PIEZO1: variants seen among roughly 807,000 people sequenced by gnomAD.
The protein encoded by PIEZO1 is piezo-type mechanosensitive ion channel component 1.
In PIEZO1, 296 loss-of-function variants were observed where a neutral mutation model predicts 297.2. That is an observed-to-expected ratio of 1.00 (90% CI 0.91 to 1.10). The LOEUF is 1.10. PIEZO1 is among the 50% of genes least tolerant of loss of function. The pLI is 0.00. For synonymous variants in PIEZO1, 2,427 were observed against 1,507.5 expected, an observed-to-expected ratio of 1.61 and a Z score of -14.13; for missense variants, 5,018 against 3,455.5, an observed-to-expected ratio of 1.45 and a Z score of -11.34.
At chr16:88,768,369 G>C (rs1167737540) in intron 1 of PIEZO1, among the ~76,000 whole-genome samples, 1 of 152,352 alleles carries the variant, frequency 6.6e-6, no homozygotes, top group East Asian at 1.9e-4. Flanking sequence ...CCACTTAAGA[G>C]CAGAGAGTGG....
Position 88,741,469 on chromosome 16 carries a change from T to TA in PIEZO1, c.465+8_465+9insT. 1 of 1,532,236 alleles carries TA rather than the reference T, an allele frequency of 6.5e-7. No homozygotes were observed. The highest frequency in any genetic ancestry group is 8.7e-7 in the Non-Finnish European group (1 of 1,144,604). 94.9% of individuals were successfully genotyped at this position (1,532,236 alleles called of 1,614,324 possible). Reference sequence around the variant, plus strand: ...CTCCCTGACACACGGGTGACGCAGCTGCCCTCACCAGCTCCCGTGGATGTG... The same window carrying TA: ...CTCCCTGACACACGGGTGACGCAGCTAGCCCTCACCAGCTCCCGTGGATGTG... On this transcript the variant is annotated intron_variant, in intron 5 of 50. Coordinates refer to ENST00000301015, the MANE Select transcript of PIEZO1 (RefSeq NM_001142864.4).
At chr16:88,775,742 A>G (rs1567488643) in intron 1 of PIEZO1, among the ~76,000 whole-genome samples, 2 of 150,696 alleles carry the variant, frequency 1.3e-5, no homozygotes, top group Non-Finnish European at 3.0e-5. Flanking sequence ...AAAAAAAAAA[A>G]AAGAAAAGAA....
chr16:88,716,615 C>T lies in PIEZO1; in HGVS notation c.6870G>A (p.Arg2290=). 1.9e-6 allele frequency: 3 copies of T among 1,550,002 alleles called. No individual in the cohort carries two copies. Among genetic ancestry groups the T allele is most frequent in the Non-Finnish European group, 2.6e-6 (3 of 1,146,878 alleles). ...TGTCGGCCGTGCCGTTGTAGAGCTCCCGCTTCATCTGGGCACGGCTGGGGG... is the reference window on the plus strand; with the variant it reads ...TGTCGGCCGTGCCGTTGTAGAGCTCTCGCTTCATCTGGGCACGGCTGGGGG... ...ISPPSRAQMK[R]ELYNGTADIT... The change falls in exon 47 of 51, where the codon CGG becomes CGA. Residue 2290 remains arginine, a synonymous_variant. Coordinates refer to ENST00000301015, the MANE Select transcript of PIEZO1 (RefSeq NM_001142864.4).
intron 2 of PIEZO1, among the ~76,000 whole-genome samples, chr16:88,745,925 G>A (rs114475827): frequency 0.031 from 4,758 of 152,212 alleles, 212 homozygotes; most frequent in African/African-American, 0.1. Flanking sequence ...AGGCTGAGGG[G>A]CCCCACCACG....
intron 10 of PIEZO1, chr16:88,737,005 C>A: frequency 2.7e-6 from 1 of 373,070 alleles, no homozygotes; most frequent in Non-Finnish European, 4.9e-6. Context: ...TCCAGCTCTG[C>A]GCACCTGAAG....
At chr16:88,780,174 G>A (rs993262235) in intron 1 of PIEZO1, among the ~76,000 whole-genome samples, 4 of 152,162 alleles carry the variant, frequency 2.6e-5, no homozygotes, top group Non-Finnish European at 5.9e-5. Flanking sequence ...CAGGTGCCTC[G>A]GCCAGCAGGT....
chr16:88,721,999 G>A lies in PIEZO1; in HGVS notation c.5023C>T (p.Leu1675=), dbSNP rs747232318. The A allele has an allele frequency of 3.2e-6, 5 of 1,549,344 alleles. No homozygotes were observed. Among genetic ancestry groups the A allele is most frequent in the Middle Eastern group, 1.8e-4 (1 of 5,656 alleles). ...FAEGQGRALR[L]LRAVYQCVAA... is the part of the protein sequence containing the mutation. ...ACACACTGGTACACGGCCCGCAGCA[G>A]CCGCAGCGCCCGGCCCTGCCCCTCC... Residue 1675 remains leucine, a synonymous_variant, in exon 37 of 51, where the codon CTG becomes TTG. Coordinates refer to ENST00000301015, the MANE Select transcript of PIEZO1 (RefSeq NM_001142864.4).
chr16:88,773,948 C>T (rs117212835), intron 1 of PIEZO1, among the ~76,000 whole-genome samples: 1,713 of 152,296 alleles, frequency 0.011, 19 homozygotes, highest in South Asian at 0.033. Context: ...CCTGCAGGTC[C>T]CCCGAGTCCC....
chr16:88,715,619 G>A lies in PIEZO1; in HGVS notation c.7552C>T (p.Arg2518Cys), dbSNP rs547008930. Residue 2518 changes from arginine (R) to cysteine (C), a missense_variant, in exon 51 of 51, where the codon CGT becomes TGT. Arg to Cys is a radical substitution (Grantham distance 180). Transcript: ENST00000301015. Reference sequence around the variant, plus strand: ...AGCAGCAGCTCCTACTCCTTCTCACGAGTCCACTTGATCATGGTCTCCGGT... The same window carrying A: ...AGCAGCAGCTCCTACTCCTTCTCACAAGTCCACTTGATCATGGTCTCCGGT... ...RSPETMIKWTREKE is the reference protein window; with the variant it reads ...RSPETMIKWTCEKE The A allele has an allele frequency of 1.5e-5, 24 of 1,549,926 alleles. No individual in the cohort carries two copies. Among genetic ancestry groups the A allele is most frequent in the East Asian group, 4.9e-5 (2 of 40,910 alleles).
chr16:88,728,031 G>C (rs535674848), intron 22 of PIEZO1, among the ~76,000 whole-genome samples: 1 of 152,388 alleles, frequency 6.6e-6, no homozygotes, highest in South Asian at 2.1e-4. Flanking sequence ...GCCAGGAAAA[G>C]TTCAACCTGC....
At position 88,785,060 on chromosome 16, in the gene PIEZO1, G is replaced by T. The variant is rs1567493532; in HGVS notation, c.-96C>A. 4 of 670,168 alleles carry T rather than the reference G, an allele frequency of 6.0e-6. No individual in the cohort carries two copies. Among genetic ancestry groups the T allele is most frequent in the Non-Finnish European group, 8.1e-6 (4 of 495,136 alleles). The allele number at this position is 670,168 out of a possible 1,614,324, so 41.5% of individuals were successfully genotyped here. A position where few individuals can be genotyped will look rare whatever the true frequency, so the allele number is the denominator to read the frequency against. On this transcript the variant is annotated 5_prime_UTR_variant, in exon 1 of 51. Transcript: ENST00000301015. ...GGGGCCGGCGCGCCATGGCTGACCC[G>T]CGGGGACCCGCGCGCCGCCTTCTCC...
chr16:88,731,672 A>C (rs1288764471), intron 22 of PIEZO1, 34 bp downstream of exon 22: 96 of 1,525,454 alleles, frequency 6.3e-5, no homozygotes, highest in Non-Finnish European at 8.5e-5. Context: ...CAAAGCCACA[A>C]AGCCCACTCC....
At position 88,715,579 on chromosome 16, in the gene PIEZO1, T is replaced by C; in HGVS notation, c.*26A>G. On this transcript the variant is annotated 3_prime_UTR_variant, in exon 51 of 51. Transcript: ENST00000301015. ...CACGCTGCCCAGCAGGCCGGCTCCT[T>C]CCCTCTCGGGCGCCAGCAGCAGCTC... 6.5e-7 allele frequency: 1 copy of C among 1,543,998 alleles called. No homozygotes were observed.
rs1269337246 is a variant in PIEZO1 at position 88,722,056 on chromosome 16, T to A, written c.4966A>T (p.Ile1656Phe). 5 of 1,546,072 alleles carry A rather than the reference T, an allele frequency of 3.2e-6. No individual in the cohort carries two copies. Among genetic ancestry groups the A allele is most frequent in the Non-Finnish European group, 4.4e-6 (5 of 1,145,592 alleles). ...AGCTCTGCCTCCTCCAGCTCTGGGA[T>A]GCGCAGGCGCCTACAGGGAGACCCG... ...SELLLDRRLR[I>F]PELEEAELFA... The change falls in exon 37 of 51, where the codon ATC (isoleucine) becomes TTC (phenylalanine). Residue 1656 changes from isoleucine (I) to phenylalanine (F), a missense_variant. Ile to Phe is a conservative substitution (Grantham distance 21). Coordinates refer to ENST00000301015, the MANE Select transcript of PIEZO1 (RefSeq NM_001142864.4).
Position 88,719,628 on chromosome 16 carries a change from C to G in PIEZO1, c.6417G>C (p.Val2139=). The part of the protein sequence containing the change: ...TTLSLSSWMC[V]EDIYANIFII... ...TGAAGATGTTGGCATAGATGTCCTC[C>G]ACACACATCCAGCTGGACAGGGACA... Residue 2139 remains valine, a synonymous_variant, in exon 44 of 51, where the codon GTG becomes GTC. Transcript: ENST00000301015. 1 of 1,552,902 alleles carries G rather than the reference C, an allele frequency of 6.4e-7. No homozygotes were observed. Among genetic ancestry groups the G allele is most frequent in the Non-Finnish European group, 8.7e-7 (1 of 1,148,238 alleles).
Position 88,732,245 on chromosome 16 carries a change from G to A in PIEZO1, c.2991+90C>T, listed in dbSNP as rs570038283. The A allele has an allele frequency of 7.6e-5, 90 of 1,183,508 alleles. No individual in the cohort carries two copies. In the African/African-American group the frequency reaches 1.1e-3, roughly 15 times the overall value. 73.3% of individuals were successfully genotyped at this position (1,183,508 alleles called of 1,614,324 possible). ...CTGTGGCCCAGGCAAACCCAGGTGGGGCCAGGCTTGCGGTGCCTGCACGGT... is the reference window on the plus strand; with the variant it reads ...CTGTGGCCCAGGCAAACCCAGGTGGAGCCAGGCTTGCGGTGCCTGCACGGT... On this transcript the variant is annotated intron_variant, in intron 21 of 50. Transcript: ENST00000301015.
intron 37 of PIEZO1, 28 bp from the exon 38 acceptor site, chr16:88,721,754 G>A: frequency 6.5e-7 from 1 of 1,535,318 alleles, no homozygotes; most frequent in Non-Finnish European, 8.8e-7. Context: ...CAGCACGCGG[G>A]GAGGGTCACG....
chr16:88,726,681 C>A (rs1165477335), intron 25 of PIEZO1, 34 bp downstream of exon 25: 2 of 1,173,460 alleles, frequency 1.7e-6, no homozygotes, highest in Admixed American at 2.5e-5. Context: ...AGCGGGGCCC[C>A]AGGGCGGTGG....
In PIEZO1 at chr16:88,785,108, G is replaced by A. The variant is rs1177360310; in HGVS notation, c.-144C>T. Reference sequence around the variant, plus strand: ...TCCTCTTCCTCCTTCTCCTTCGGCCGCCCCGCCGGTGCCGACGTCCCGGGC... The same window carrying A: ...TCCTCTTCCTCCTTCTCCTTCGGCCACCCCGCCGGTGCCGACGTCCCGGGC... On this transcript the variant is annotated 5_prime_UTR_variant, in exon 1 of 51. Coordinates refer to ENST00000301015, the MANE Select transcript of PIEZO1 (RefSeq NM_001142864.4). 7.1e-6 allele frequency: 3 copies of A among 423,264 alleles called. No individual in the cohort carries two copies. The highest frequency in any genetic ancestry group is 5.1e-5 in the Admixed American group (1 of 19,550). The allele number at this position is 423,264 out of a possible 1,614,324, so 26.2% of individuals were successfully genotyped here.
Sources: gnomAD v4.1 joint callset for allele counts (sites outside exome capture counted in the v4.1 genomes callset) on GRCh38, gnomAD v4.1.1 for gene constraint, MANE v1.5 for transcripts, NCBI Gene and HGNC (gene_info 2026-07-23, HGNC 2026-07-21) for gene names.